The following ZC3H12B variants were observed in gnomAD, a reference collection of about 807,000 sequenced individuals.
The protein encoded by ZC3H12B is probable ribonuclease ZC3H12B.
Under a neutral mutation model 43.9 loss-of-function variants are expected in ZC3H12B, and 7 were observed. That is an observed-to-expected ratio of 0.16 (90% CI 0.09 to 0.30). The LOEUF (loss-of-function observed/expected upper bound fraction) is 0.30, where lower values mean the gene tolerates loss of function less well. Among genes scored for constraint, ZC3H12B ranks in the 10% least tolerant of loss-of-function variants. ZC3H12B has a pLI of 1.00. For synonymous variants in ZC3H12B, 222 were observed against 241.7 expected (o/e 0.92, Z 0.76); for missense variants, 475 against 670.2 (o/e 0.71, Z 3.22).
At chrX:65,499,724 G>A (rs2068339549) in intron 3 of ZC3H12B, among the ~76,000 whole-genome samples, 159 bp from the exon 9 acceptor site, 1 of 111,722 alleles carries the variant, frequency 9.0e-6, no homozygotes, top group Non-Finnish European at 1.9e-5. Flanking sequence ...TGGCAACAAA[G>A]GGAAGAACTG....
the ZC3H12B span, among the ~76,000 whole-genome samples, chrX:65,181,406 G>A: frequency 9.0e-6 from 1 of 111,468 alleles, no homozygotes; most frequent in East Asian, 2.8e-4. Flanking sequence ...TGACAAATGG[G>A]ATCTAATTAA....
the ZC3H12B span, among the ~76,000 whole-genome samples, chrX:65,131,170 G>A: frequency 9.0e-6 from 1 of 111,681 alleles, no homozygotes; most frequent in Non-Finnish European, 1.9e-5. Flanking sequence ...GAGAGGTATT[G>A]GAGTGGGGCA....
At chrX:65,126,117 T>C in the ZC3H12B span, among the ~76,000 whole-genome samples, 1 of 109,598 alleles carries the variant, frequency 9.1e-6, no homozygotes, top group Non-Finnish European at 1.9e-5. Context: ...GTATTTGGTA[T>C]ATTTTGAGTC....
chrX:65,387,316 C>T (rs1339260861), intron 2 of ZC3H12B, among the ~76,000 whole-genome samples: 3 of 111,764 alleles, frequency 2.7e-5, no homozygotes, highest in African/African-American at 6.5e-5. Context: ...CTTTATGAAT[C>T]TGGGTGCTCC....
the ZC3H12B span, among the ~76,000 whole-genome samples, chrX:65,068,634 C>T: frequency 2.7e-5 from 3 of 111,745 alleles, no homozygotes; most frequent in African/African-American, 9.7e-5. Flanking sequence ...ATTCTTTCTA[C>T]TTAATATAAG....
the ZC3H12B span, among the ~76,000 whole-genome samples, chrX:65,206,016 C>A: frequency 9.0e-6 from 1 of 111,669 alleles, no homozygotes; most frequent in African/African-American, 3.3e-5. Flanking sequence ...AAATCATAGA[C>A]AACACAAACA....
the ZC3H12B span, among the ~76,000 whole-genome samples, chrX:65,184,428 C>T: frequency 8.1e-5 from 9 of 111,224 alleles, no homozygotes; most frequent in Non-Finnish European, 1.7e-4. Context: ...GAGCAGAACT[C>T]CCCATCCTGC....
the ZC3H12B span, among the ~76,000 whole-genome samples, chrX:65,115,837 G>A: frequency 3.6e-5 from 4 of 111,350 alleles, no homozygotes; most frequent in Admixed American, 3.8e-4. Flanking sequence ...ATGCTTTTTG[G>A]CCATTTGTAT....
At chrX:65,080,384 G>A in the ZC3H12B span, among the ~76,000 whole-genome samples, 63 of 110,167 alleles carry the variant, frequency 5.7e-4, no homozygotes, top group African/African-American at 2.0e-3. Context: ...GAAGTTTATA[G>A]AACACCAAGA....
the ZC3H12B span, among the ~76,000 whole-genome samples, chrX:65,055,100 T>C: frequency 3.6e-5 from 4 of 111,358 alleles, no homozygotes; most frequent in African/African-American, 6.5e-5. Flanking sequence ...CTGATTGCGC[T>C]GGCCAGAACT....
chrX:65,351,442 G>A, the ZC3H12B span, among the ~76,000 whole-genome samples: 4 of 111,950 alleles, frequency 3.6e-5, no homozygotes, highest in African/African-American at 9.7e-5. Flanking sequence ...AAAAGCAATG[G>A]CAACAAAAGC....
At chrX:65,108,195 CTG>C in the ZC3H12B span, among the ~76,000 whole-genome samples, 1 of 111,320 alleles carries the variant, frequency 9.0e-6, no homozygotes, top group African/African-American at 3.3e-5. Context: ...TTTATAAACA[CTG>C]TATGCTTAGG....
At chrX:65,098,950 C>T in the ZC3H12B span, among the ~76,000 whole-genome samples, 37 of 111,392 alleles carry the variant, frequency 3.3e-4, no homozygotes, top group African/African-American at 1.2e-3. Context: ...AGGTCCCACT[C>T]CCAAAGAGCC....
intron 3 of ZC3H12B, among the ~76,000 whole-genome samples, chrX:65,457,512 C>G (rs1453077445): frequency 1.1e-5 from 1 of 90,904 alleles, no homozygotes; most frequent in Non-Finnish European, 2.0e-5. Context: ...CCGGCCGCCC[C>G]TACTGGGAAG....
At chrX:65,187,428 T>A in the ZC3H12B span, among the ~76,000 whole-genome samples, 2 of 111,584 alleles carry the variant, frequency 1.8e-5, no homozygotes, top group Non-Finnish European at 3.8e-5. Context: ...AGCTAATGTT[T>A]TGATTTTCTA....
At chrX:65,127,457 G>A in the ZC3H12B span, among the ~76,000 whole-genome samples, 1 of 111,365 alleles carries the variant, frequency 9.0e-6, no homozygotes, top group African/African-American at 3.3e-5. Flanking sequence ...TTTGCTTAGT[G>A]CATTGGTTTT....
chrX:65,202,629 G>A, the ZC3H12B span, among the ~76,000 whole-genome samples: 6 of 111,080 alleles, frequency 5.4e-5, no homozygotes, highest in East Asian at 8.6e-4. Context: ...GCTTCCTGGC[G>A]CTTGGGCAAG....
At chrX:65,459,545 G>T (rs2067699216) in intron 3 of ZC3H12B, among the ~76,000 whole-genome samples, 1 of 111,670 alleles carries the variant, frequency 9.0e-6, no homozygotes, top group Admixed American at 9.5e-5. Context: ...ATGCAAGGCT[G>T]GTTCAACATA....
chrX:65,270,827 C>G, the ZC3H12B span: 1 of 111,470 alleles, frequency 9.0e-6, no homozygotes, highest in South Asian at 3.8e-4. Flanking sequence ...AATCCATGTC[C>G]ATCTATCCTT....
Sources: gnomAD v4.1 joint callset for allele counts (sites outside exome capture counted in the v4.1 genomes callset) on GRCh38, gnomAD v4.1.1 for gene constraint, MANE v1.5 for transcripts, NCBI Gene and HGNC (gene_info 2026-07-23, HGNC 2026-07-21) for gene names.